The following NPAS3 variants were observed in gnomAD, a reference collection of about 807,000 sequenced individuals.
The protein encoded by NPAS3 is neuronal PAS domain-containing protein 3.
Under a neutral mutation model 73.1 loss-of-function variants are expected in NPAS3, and 14 were observed. The observed-to-expected ratio is 0.19, with a 90% CI of 0.13 to 0.30. NPAS3 has a LOEUF of 0.30. Among genes scored for constraint, NPAS3 ranks in the 10% least tolerant of loss-of-function variants. NPAS3 has a pLI of 1.00. For synonymous variants in NPAS3, 620 were observed against 541.5 expected, an observed-to-expected ratio of 1.14 and a Z score of -2.01; for missense variants, 1,096 against 1,250.0, an observed-to-expected ratio of 0.88 and a Z score of 1.86.
intron 3 of NPAS3, among the ~76,000 whole-genome samples, chr14:33,353,803 T>TAC (rs1292501435): frequency 6.6e-6 from 1 of 152,158 alleles, no homozygotes; most frequent in African/African-American, 2.4e-5. Context: ...GGAGACTCAT[T>TAC]AACAGTGGGC....
At chr14:33,685,223 G>T (rs549492817) in intron 6 of NPAS3, among the ~76,000 whole-genome samples, 1 of 152,136 alleles carries the variant, frequency 6.6e-6, no homozygotes, top group African/African-American at 2.4e-5. Flanking sequence ...AACACAATGC[G>T]GAAGCGTGGT....
intron 7 of NPAS3, among the ~76,000 whole-genome samples, chr14:33,768,423 C>G (rs779257019): frequency 6.6e-6 from 1 of 152,168 alleles, no homozygotes; most frequent in Non-Finnish European, 1.5e-5. Context: ...TTTTACCCAG[C>G]ATTGGCCAGA....
chr14:33,687,410 G>A (rs2060120701), intron 6 of NPAS3, among the ~76,000 whole-genome samples: 3 of 152,052 alleles, frequency 2.0e-5, no homozygotes, highest in Non-Finnish European at 4.4e-5. Context: ...ACTCATCAGA[G>A]GGCATCCTCT....
chr14:33,134,445 A>G (rs911490603), intron 2 of NPAS3, among the ~76,000 whole-genome samples: 4 of 152,180 alleles, frequency 2.6e-5, no homozygotes, highest in African/African-American at 9.7e-5. Context: ...TGAAAAGCAC[A>G]GTTTTGTAGG....
intron 1 of NPAS3, among the ~76,000 whole-genome samples, chr14:32,990,940 CA>C (rs202034165): frequency 6.8e-6 from 1 of 147,636 alleles, no homozygotes; most frequent in Non-Finnish European, 1.5e-5. Context: ...AAAACAAAAA[CA>C]AAAAAAAACA....
At chr14:33,056,359 T>A (rs2040889538) in intron 2 of NPAS3, among the ~76,000 whole-genome samples, 1 of 152,186 alleles carries the variant, frequency 6.6e-6, no homozygotes, top group South Asian at 2.1e-4. Context: ...ATTTGAAAGG[T>A]GTGTTATGTA....
intron 2 of NPAS3, among the ~76,000 whole-genome samples, chr14:33,190,281 G>A (rs1026794593): frequency 6.6e-6 from 1 of 152,182 alleles, no homozygotes; most frequent in Admixed American, 6.5e-5. Flanking sequence ...GCAAGTTTCA[G>A]AACAGTATCA....
At chr14:33,053,389 T>C (rs1445975892) in intron 1 of NPAS3, among the ~76,000 whole-genome samples, 1 of 152,210 alleles carries the variant, frequency 6.6e-6, no homozygotes, top group Admixed American at 6.5e-5. Flanking sequence ...ATGTTTCACA[T>C]GTATGTAAAT....
intron 7 of NPAS3, among the ~76,000 whole-genome samples, chr14:33,768,017 T>G (rs1299449553): frequency 6.6e-6 from 1 of 152,186 alleles, no homozygotes; most frequent in Non-Finnish European, 1.5e-5. Flanking sequence ...CGGACATGCA[T>G]CTAACAGCAT....
At chr14:33,736,490 G>A (rs1432834207) in intron 7 of NPAS3, among the ~76,000 whole-genome samples, 4 of 152,150 alleles carry the variant, frequency 2.6e-5, no homozygotes, top group African/African-American at 4.8e-5. Flanking sequence ...AGCTCTACCC[G>A]ATAGAGGCTT....
chr14:33,607,203 C>T (rs1313519548), intron 5 of NPAS3, among the ~76,000 whole-genome samples: 2 of 152,112 alleles, frequency 1.3e-5, no homozygotes, highest in Admixed American at 1.3e-4. Flanking sequence ...TATGTCTACA[C>T]AAAAATTTGC....
At chr14:33,684,295 G>T (rs1342239971) in intron 6 of NPAS3, among the ~76,000 whole-genome samples, 11 of 149,418 alleles carry the variant, frequency 7.4e-5, no homozygotes, top group Non-Finnish European at 1.0e-4. Flanking sequence ...CCTTTTCTTT[G>T]CTCTCATTAT....
intron 2 of NPAS3, among the ~76,000 whole-genome samples, chr14:33,094,721 C>T (rs773246002): frequency 6.6e-6 from 1 of 152,104 alleles, no homozygotes; most frequent in South Asian, 2.1e-4. Context: ...CTGCCTTGGC[C>T]TCCCAAATTG....
chr14:33,159,085 C>G (rs1294600582), intron 2 of NPAS3, among the ~76,000 whole-genome samples: 2 of 152,046 alleles, frequency 1.3e-5, no homozygotes, highest in African/African-American at 2.4e-5. Context: ...TTGCTTGGAT[C>G]TGGGAGGCGG....
chr14:33,198,700 C>T (rs573929268), intron 2 of NPAS3, among the ~76,000 whole-genome samples: 42 of 152,340 alleles, frequency 2.8e-4, no homozygotes, highest in South Asian at 1.9e-3. Context: ...GCACCAGGTC[C>T]GGGGGCGGAG....
intron 3 of NPAS3, among the ~76,000 whole-genome samples, chr14:33,216,162 G>A (rs1430112235): frequency 6.6e-6 from 1 of 152,020 alleles, no homozygotes; most frequent in Admixed American, 6.6e-5. Flanking sequence ...TGTCTTTAAG[G>A]GTATTCTATT....
chr14:33,486,977 G>A (rs1000904811), intron 4 of NPAS3, among the ~76,000 whole-genome samples: 1 of 152,110 alleles, frequency 6.6e-6, no homozygotes, highest in Non-Finnish European at 1.5e-5. Context: ...CAGTTTTGAG[G>A]TGTTTATTCC....
At chr14:33,590,691 C>G (rs534405498) in intron 5 of NPAS3, among the ~76,000 whole-genome samples, 6 of 152,252 alleles carry the variant, frequency 3.9e-5, no homozygotes, top group African/African-American at 1.4e-4. Flanking sequence ...CATCAATCCC[C>G]CATGCGTTGA....
chr14:33,309,676 T>G (rs930332974), intron 3 of NPAS3, among the ~76,000 whole-genome samples: 1 of 152,206 alleles, frequency 6.6e-6, no homozygotes, highest in African/African-American at 2.4e-5. Flanking sequence ...GAATGACTCT[T>G]CTGGCAGGTG....
Sources: gnomAD v4.1 joint callset for allele counts (sites outside exome capture counted in the v4.1 genomes callset) on GRCh38, gnomAD v4.1.1 for gene constraint, MANE v1.5 for transcripts, NCBI Gene and HGNC (gene_info 2026-07-23, HGNC 2026-07-21) for gene names.